Variants in EYS observed in about 807,000 individuals in gnomAD.
The protein encoded by EYS is protein eyes shut homolog.
EYS carries 250 observed loss-of-function variants against 282.1 expected under a neutral mutation model. That is an observed-to-expected ratio of 0.89 (90% confidence interval 0.80 to 0.98). EYS has a LOEUF of 0.98. EYS is among the 50% of genes least tolerant of loss of function. The pLI, the probability that EYS is intolerant of heterozygous loss-of-function variation, is 0.00. For missense variants in EYS, 4,016 were observed against 3,709.0 expected (o/e 1.08, Z -2.15); for synonymous variants, 1,355 against 1,282.9 (o/e 1.06, Z -1.20).
intron 18 of EYS, among the ~76,000 whole-genome samples, chr6:64,897,382 T>G (rs2150069195): frequency 6.6e-6 from 1 of 152,182 alleles, no homozygotes; most frequent in African/African-American, 2.4e-5. Flanking sequence ...GAAGGATATC[T>G]AACAGACAGA....
At chr6:65,066,351 CA>C (rs1174292114) in intron 12 of EYS, among the ~76,000 whole-genome samples, 2 of 152,116 alleles carry the variant, frequency 1.3e-5, no homozygotes, top group South Asian at 2.1e-4. Flanking sequence ...AGGTCATGTA[CA>C]ATTGGTAATA....
chr6:64,500,921 A>C (rs921404382), intron 26 of EYS, among the ~76,000 whole-genome samples: 1 of 152,006 alleles, frequency 6.6e-6, no homozygotes, highest in Non-Finnish European at 1.5e-5. Context: ...AACTGTGCAG[A>C]GCTCCAATTT....
At chr6:64,567,302 A>G (rs2149815254) in intron 26 of EYS, among the ~76,000 whole-genome samples, 1 of 152,310 alleles carries the variant, frequency 6.6e-6, no homozygotes, top group South Asian at 2.1e-4. Flanking sequence ...ATAAACATCT[A>G]TCTGTTAAAC....
At chr6:63,735,715 C>T (rs1201882204) in intron 41 of EYS, among the ~76,000 whole-genome samples, 2 of 152,116 alleles carry the variant, frequency 1.3e-5, no homozygotes, top group Non-Finnish European at 2.9e-5. Flanking sequence ...GCATGATTCA[C>T]GTTTCAACTG....
At chr6:65,145,120 T>C (rs1411282646) in intron 12 of EYS, among the ~76,000 whole-genome samples, 1 of 148,034 alleles carries the variant, frequency 6.8e-6, no homozygotes, top group Non-Finnish European at 1.5e-5. Flanking sequence ...AATAACTACC[T>C]CCTTTTATTT....
chr6:63,979,550 T>C (rs1225608869), intron 35 of EYS, among the ~76,000 whole-genome samples: 1 of 151,968 alleles, frequency 6.6e-6, no homozygotes, highest in Non-Finnish European at 1.5e-5. Flanking sequence ...AAGTTTCTAG[T>C]GTCATGGTTG....
chr6:64,175,124 C>T (rs1374108893), intron 31 of EYS, among the ~76,000 whole-genome samples: 3 of 152,034 alleles, frequency 2.0e-5, no homozygotes, highest in East Asian at 1.9e-4. Flanking sequence ...TAAATTTATT[C>T]CTGAATAAGT....
intron 31 of EYS, among the ~76,000 whole-genome samples, chr6:64,105,467 T>G (rs1582275830): frequency 6.6e-6 from 1 of 152,136 alleles, no homozygotes; most frequent in African/African-American, 2.4e-5. Context: ...GTCTATAGTT[T>G]ACGTTGGAGT....
chr6:64,491,290 C>T (rs1034737557), intron 26 of EYS, among the ~76,000 whole-genome samples: 1 of 150,764 alleles, frequency 6.6e-6, no homozygotes, highest in South Asian at 2.1e-4. Context: ...AACCACAACT[C>T]CTTATTTAAC....
chr6:65,587,674 TC>T (rs1162573661), intron 2 of EYS, among the ~76,000 whole-genome samples: 2 of 151,902 alleles, frequency 1.3e-5, no homozygotes, highest in Non-Finnish European at 2.9e-5. Context: ...CGAACATAAA[TC>T]CCTTTCTATT....
At chr6:65,618,258 G>A (rs1264478615) in intron 2 of EYS, among the ~76,000 whole-genome samples, 1 of 152,272 alleles carries the variant, frequency 6.6e-6, no homozygotes. Context: ...ACTGGTGTGA[G>A]ATGGTATCAC....
intron 30 of EYS, among the ~76,000 whole-genome samples, chr6:64,278,690 G>A (rs1768198736): frequency 1.3e-5 from 2 of 151,670 alleles, no homozygotes; most frequent in South Asian, 2.1e-4. Flanking sequence ...ATTGTTAGAA[G>A]GATTAGTCTA....
intron 29 of EYS, among the ~76,000 whole-genome samples, chr6:64,386,096 G>A (rs576130395): frequency 6.6e-6 from 1 of 152,226 alleles, no homozygotes; most frequent in Admixed American, 6.5e-5. Flanking sequence ...GTGAACCGAA[G>A]GCCCGTATTT....
At chr6:64,596,549 GAGAT>G (rs1456717010) in intron 24 of EYS, among the ~76,000 whole-genome samples, 1 of 152,132 alleles carries the variant, frequency 6.6e-6, no homozygotes. Context: ...AGAGAAGAAA[GAGAT>G]AGATTCACAT....
chr6:65,335,642 T>C (rs1769960406), intron 10 of EYS, among the ~76,000 whole-genome samples: 1 of 150,672 alleles, frequency 6.6e-6, no homozygotes, highest in Admixed American at 6.6e-5. Flanking sequence ...GTATGTTACA[T>C]ACATGTTTAC....
At chr6:63,799,021 A>ATATATATATATT (rs1554170394) in intron 37 of EYS, among the ~76,000 whole-genome samples, 1 of 106,994 alleles carries the variant, frequency 9.3e-6, no homozygotes. Context: ...ATATATATAT[A>ATATATATATATT]ATTTTTTTTT....
chr6:65,041,104 G>T (rs114300833), intron 13 of EYS, among the ~76,000 whole-genome samples: 48 of 151,760 alleles, frequency 3.2e-4, no homozygotes, highest in African/African-American at 1.1e-3. Flanking sequence ...AATTTAAGAC[G>T]AGTTATCTGC....
chr6:65,122,835 A>C (rs1401918795), intron 12 of EYS, among the ~76,000 whole-genome samples: 1 of 152,120 alleles, frequency 6.6e-6, no homozygotes, highest in Non-Finnish European at 1.5e-5. Flanking sequence ...ACCTTGTTTG[A>C]AAATTTAACA....
chr6:65,000,778 AAAAC>A (rs1226156738), intron 13 of EYS, among the ~76,000 whole-genome samples: 3 of 152,250 alleles, frequency 2.0e-5, no homozygotes, highest in Non-Finnish European at 2.9e-5. Flanking sequence ...ACTCCATTAA[AAAAC>A]AAACAAACCT....
Sources: gnomAD v4.1 joint callset for allele counts (sites outside exome capture counted in the v4.1 genomes callset) on GRCh38, gnomAD v4.1.1 for gene constraint, MANE v1.5 for transcripts, NCBI Gene and HGNC (gene_info 2026-07-23, HGNC 2026-07-21) for gene names.